CENPC: variants seen among roughly 807,000 people sequenced by gnomAD.
CENPC encodes centromere protein C.
CENPC carries 63 observed loss-of-function variants against 112.1 expected under a neutral mutation model. The ratio of observed to expected loss-of-function variants is 0.56; its 90% CI spans 0.46 to 0.69. CENPC has a LOEUF of 0.69. CENPC is among the 30% of genes least tolerant of loss of function. The pLI, the probability that CENPC is intolerant of heterozygous loss-of-function variation, is 0.00. For missense variants in CENPC, 1,000 were observed against 1,103.8 expected (o/e 0.91, Z 1.33); for synonymous variants, 333 against 367.6 (o/e 0.91, Z 1.08).
At position 67,468,798 on chromosome 4, in the gene CENPC, A is replaced by C. The variant is rs1724577538; in HGVS notation, c.*3807T>G. ...TTCACTTCATCTTTATTTGTGGTACAGTCATCCATACTAGAGAATACCACT... is the reference window on the plus strand; with the variant it reads ...TTCACTTCATCTTTATTTGTGGTACCGTCATCCATACTAGAGAATACCACT... On this transcript the variant is annotated 3_prime_UTR_variant, in exon 19 of 19. Transcript: ENST00000273853. 1 of 152,246 alleles carries C rather than the reference A, an allele frequency of 6.6e-6. No individual in the cohort carries two copies. The highest frequency in any genetic ancestry group is 2.1e-4 in the South Asian group (1 of 4,832). 9.4% of individuals were successfully genotyped at this position (152,246 alleles called of 1,614,324 possible).
chr4:67,491,506 GA>G (rs1725273707), intron 16 of CENPC, among the ~76,000 whole-genome samples: 1 of 137,158 alleles, frequency 7.3e-6, no homozygotes, highest in South Asian at 2.6e-4. Flanking sequence ...GAGAGAGAGA[GA>G]GAGAGAGAGA....
At chr4:67,507,222 A>G (rs1725761164) in intron 10 of CENPC, among the ~76,000 whole-genome samples, 1 of 151,934 alleles carries the variant, frequency 6.6e-6, no homozygotes, top group African/African-American at 2.4e-5. Flanking sequence ...AGCTTGATAT[A>G]TATTACAGTT....
chr4:67,536,432 A>G (rs531068599), intron 4 of CENPC, among the ~76,000 whole-genome samples: 1 of 152,188 alleles, frequency 6.6e-6, no homozygotes, highest in Non-Finnish European at 1.5e-5. Flanking sequence ...AAACTAATTT[A>G]TTTCATGAAG....
chr4:67,522,146 G>A (rs1726246535), intron 5 of CENPC, among the ~76,000 whole-genome samples: 1 of 152,156 alleles, frequency 6.6e-6, no homozygotes, highest in South Asian at 2.1e-4. Context: ...AGTGACGTGT[G>A]TATATAAACA....
intron 6 of CENPC, among the ~76,000 whole-genome samples, chr4:67,518,881 A>G (rs1726136276): frequency 6.6e-6 from 1 of 152,056 alleles, no homozygotes; most frequent in African/African-American, 2.4e-5. Flanking sequence ...ATGCTCTGCT[A>G]CCCTTGAAGT....
intron 5 of CENPC, among the ~76,000 whole-genome samples, chr4:67,519,825 T>C (rs1726171641): frequency 6.6e-6 from 1 of 152,150 alleles, no homozygotes; most frequent in South Asian, 2.1e-4. Context: ...TATGAACATT[T>C]ATCTATAATG....
chr4:67,505,055 C>A, intron 12 of CENPC, 150 bp downstream of exon 12: 1 of 614,974 alleles, frequency 1.6e-6, no homozygotes, highest in Admixed American at 3.5e-5. Context: ...CACTTAGGTA[C>A]AGGGTCTTAT....
At position 67,506,889 on chromosome 4, in the gene CENPC, C is replaced by G; in HGVS notation, c.1950G>C (p.Gln650His). 1 of 1,611,730 alleles carries G rather than the reference C, an allele frequency of 6.2e-7. No individual in the cohort carries two copies. The highest frequency in any genetic ancestry group is 8.5e-7 in the Non-Finnish European group (1 of 1,178,304). The change falls in exon 11 of 19, where the codon CAG (glutamine) becomes CAC (histidine). Residue 650 changes from glutamine (Q) to histidine (H), a missense_variant. Coordinates refer to ENST00000273853, the MANE Select transcript of CENPC (RefSeq NM_001812.4). The part of the protein sequence containing the change: ...SKNEDNIMTA[Q>H]NVPLKPQTSG... ...TGGTCTGAGGCTTTAGGGGAACATTCTGTGCAGTCATAATGTTATCTTCAT... is the reference window on the plus strand; with the variant it reads ...TGGTCTGAGGCTTTAGGGGAACATTGTGTGCAGTCATAATGTTATCTTCAT...
intron 12 of CENPC, among the ~76,000 whole-genome samples, chr4:67,504,639 G>A (rs1433056036): frequency 6.6e-6 from 1 of 151,986 alleles, no homozygotes; most frequent in Non-Finnish European, 1.5e-5. Flanking sequence ...GGCCAAGATG[G>A]TGAAACCCCA....
rs374991219 is a variant in CENPC at position 67,494,838 on chromosome 4, G to A, written c.2185+321C>T. ...TTAAAGTGGAAGGAGATGCTGTCAA[G>A]GAAGCCATCTACCTGGTAGTTACAG... On this transcript the variant is annotated intron_variant, in intron 13 of 18. Transcript: ENST00000273853. Among the ~76,000 whole-genome samples, 458 of 152,262 alleles carry A rather than the reference G, an allele frequency of 3.0e-3. 2 individuals are homozygous for A. The highest frequency in any genetic ancestry group is 0.01 in the African/African-American group (417 of 41,562).
chr4:67,540,553 C>T (rs564401262), intron 3 of CENPC, among the ~76,000 whole-genome samples: 56 of 152,176 alleles, frequency 3.7e-4, no homozygotes, highest in African/African-American at 1.3e-3. Flanking sequence ...ACCTGTAATC[C>T]CAGCTACTTG....
At chr4:67,484,465 A>G (rs1725034426) in intron 17 of CENPC, among the ~76,000 whole-genome samples, 1 of 152,224 alleles carries the variant, frequency 6.6e-6, no homozygotes, top group Non-Finnish European at 1.5e-5. Flanking sequence ...GGTAAGCAGC[A>G]CGCCAGTGAG....
intron 7 of CENPC, among the ~76,000 whole-genome samples, chr4:67,517,474 T>C (rs779704044): frequency 9.9e-5 from 15 of 151,608 alleles, no homozygotes; most frequent in Non-Finnish European, 1.8e-4. Flanking sequence ...AAAAACTTCC[T>C]AGTATATTCA....
At chr4:67,482,284 A>C (rs1724978219) in intron 17 of CENPC, among the ~76,000 whole-genome samples, 1 of 152,188 alleles carries the variant, frequency 6.6e-6, no homozygotes, top group Non-Finnish European at 1.5e-5. Context: ...AGATGCAGTG[A>C]AAAGGGAACA....
intron 12 of CENPC, 68 bp from the exon 13 acceptor site, chr4:67,495,280 C>T: frequency 7.3e-7 from 1 of 1,364,994 alleles, no homozygotes. Flanking sequence ...AAATGTGTTT[C>T]CTGGTCAATT....
intron 17 of CENPC, among the ~76,000 whole-genome samples, chr4:67,484,632 T>C (rs753765655): frequency 2.6e-5 from 4 of 152,202 alleles, no homozygotes; most frequent in Non-Finnish European, 5.9e-5. Flanking sequence ...CCAATTTTTG[T>C]GGAAGAAAAA....
intron 12 of CENPC, among the ~76,000 whole-genome samples, chr4:67,504,458 T>A (rs1270465919): frequency 6.6e-6 from 1 of 152,152 alleles, no homozygotes; most frequent in African/African-American, 2.4e-5. Context: ...CAAGCACGCA[T>A]TTTTAGGAGC....
chr4:67,540,795 C>T (rs915938542), intron 3 of CENPC, among the ~76,000 whole-genome samples, 185 bp downstream of exon 3: 16 of 152,074 alleles, frequency 1.1e-4, no homozygotes, highest in Admixed American at 6.6e-5. Flanking sequence ...TATTTTTTGT[C>T]AGTATTATCC....
At chr4:67,533,721 G>A (rs1726627176) in intron 4 of CENPC, among the ~76,000 whole-genome samples, 1 of 152,172 alleles carries the variant, frequency 6.6e-6, no homozygotes, top group Non-Finnish European at 1.5e-5. Context: ...ATAAAGATTA[G>A]TAGAATTGCA....
Sources: gnomAD v4.1 joint callset for allele counts (sites outside exome capture counted in the v4.1 genomes callset) on GRCh38, gnomAD v4.1.1 for gene constraint, MANE v1.5 for transcripts, NCBI Gene and HGNC (gene_info 2026-07-23, HGNC 2026-07-21) for gene names.